The following RAB37 variants were observed in gnomAD, a reference collection of about 807,000 sequenced individuals.
RAB37 encodes RAB37, member RAS oncogene family, also known as ras-related protein Rab-37.
In RAB37, 29 loss-of-function variants were observed where a neutral mutation model predicts 33.1. That is an observed-to-expected ratio of 0.88 (90% confidence interval 0.65 to 1.20). The LOEUF (loss-of-function observed/expected upper bound fraction) is 1.20, where lower values mean the gene tolerates loss of function less well. Ranked by LOEUF, RAB37 falls within the 50% of genes most tolerant of loss-of-function variation. RAB37 has a pLI of 0.00. For synonymous variants in RAB37, 128 were observed against 119.5 expected (o/e 1.07, Z -0.47); for missense variants, 299 against 301.1 (o/e 0.99, Z 0.05).
chr17:74,695,035 C>T (rs763815936), intron 1 of RAB37: 13 of 1,541,272 alleles, frequency 8.4e-6, no homozygotes, highest in East Asian at 6.8e-5. Context: ...AGGGGGCAGA[C>T]GGTCGATGAG....
intron 1 of RAB37, among the ~76,000 whole-genome samples, chr17:74,680,955 T>C (rs1437203830): frequency 2.0e-5 from 3 of 152,212 alleles, no homozygotes; most frequent in South Asian, 2.1e-4. Context: ...ACCACCCCTG[T>C]TCACATGCTC....
At chr17:74,672,530 A>G (rs1452739845) in intron 1 of RAB37, among the ~76,000 whole-genome samples, 1 of 152,198 alleles carries the variant, frequency 6.6e-6, no homozygotes, top group Admixed American at 6.5e-5. Flanking sequence ...TATGAATGCA[A>G]GCTTTGAAAT....
At chr17:74,740,164 AAAAG>A (rs750804715) in intron 1 of RAB37, among the ~76,000 whole-genome samples, 22 of 152,080 alleles carry the variant, frequency 1.4e-4, no homozygotes, top group African/African-American at 2.9e-4. Context: ...CTCAAAAAAA[AAAAG>A]AAAGAAAGAA....
At position 74,744,845 on chromosome 17, in the gene RAB37, C is replaced by G. The variant is rs1199699188; in HGVS notation, c.433-28C>G. 2.5e-6 allele frequency: 4 copies of G among 1,614,026 alleles called. No individual in the cohort carries two copies. The highest frequency in any genetic ancestry group is 1.7e-5 in the Admixed American group (1 of 60,018). ...GCCCGCTGGGGCGGAGGCCTCCTTCCCCAGAGTGACCCATTTGGGCTTGAC... is the reference window on the plus strand; with the variant it reads ...GCCCGCTGGGGCGGAGGCCTCCTTCGCCAGAGTGACCCATTTGGGCTTGAC... On this transcript the variant is annotated intron_variant, in intron 6 of 8. Coordinates refer to ENST00000392613, the MANE Select transcript of RAB37 (RefSeq NM_001006638.3). This position sits in a 1 kb window ranked among gnomAD's most constrained non-coding sequence, Gnocchi z 4.2.
chr17:74,722,151 C>T (rs543385533), intron 1 of RAB37, among the ~76,000 whole-genome samples: 8 of 152,038 alleles, frequency 5.3e-5, no homozygotes, highest in East Asian at 3.9e-4. Flanking sequence ...GGCGTGGTGG[C>T]GGGCGCCTGT....
At chr17:74,695,102 C>A in intron 1 of RAB37, 1 of 1,613,394 alleles carries the variant, frequency 6.2e-7, no homozygotes, top group Non-Finnish European at 8.5e-7. Flanking sequence ...CAGGCTAAGG[C>A]CTGCTGATGG....
chr17:74,689,314 A>G (rs1480836402), intron 1 of RAB37, among the ~76,000 whole-genome samples: 1 of 152,012 alleles, frequency 6.6e-6, no homozygotes, highest in Non-Finnish European at 1.5e-5. Flanking sequence ...ATGGTGGCAC[A>G]TGCCTGTAAT....
At chr17:74,694,192 G>A (rs2032231387) in intron 1 of RAB37, 11 of 152,182 alleles carry the variant, frequency 7.2e-5, no homozygotes, top group Admixed American at 2.6e-4. Flanking sequence ...AGTAATAGAA[G>A]TGCCTCATGG....
intron 1 of RAB37, among the ~76,000 whole-genome samples, chr17:74,721,235 G>A (rs999044416): frequency 1.2e-4 from 19 of 152,166 alleles, no homozygotes; most frequent in African/African-American, 4.3e-4. Flanking sequence ...CCATCGCCAG[G>A]ACCTCGCCCT....
chr17:74,729,442 A>T lies in RAB37; in HGVS notation c.183+76A>T, dbSNP rs2034357416. 1.0e-6 allele frequency: 1 copy of T among 958,300 alleles called. No individual in the cohort carries two copies. Among genetic ancestry groups the T allele is most frequent in the Non-Finnish European group, 1.7e-6 (1 of 581,838 alleles). 59.4% of individuals were successfully genotyped at this position (958,300 alleles called of 1,614,324 possible). ...CGTGTTTCTGTTGAGTGCCAGCAGGAAACAGGTGGACACTCGCATTGGATC... is the reference window on the plus strand; with the variant it reads ...CGTGTTTCTGTTGAGTGCCAGCAGGTAACAGGTGGACACTCGCATTGGATC... On this transcript the variant is annotated intron_variant, in intron 2 of 7. Transcript: ENST00000340415. This position sits in a 1 kb window ranked among gnomAD's most constrained non-coding sequence, Gnocchi z 4.2.
chr17:74,712,992 G>A (rs774088437), intron 1 of RAB37: 18 of 965,458 alleles, frequency 1.9e-5, no homozygotes, highest in Non-Finnish European at 2.7e-5. Flanking sequence ...ACTTCCCATG[G>A]GTGAAAGAGA....
chr17:74,726,367 G>A (rs534616724), intron 1 of RAB37, among the ~76,000 whole-genome samples: 7 of 152,006 alleles, frequency 4.6e-5, no homozygotes, highest in African/African-American at 1.7e-4. Flanking sequence ...AAAATGTCCC[G>A]AGAAGACAGG....
intron 1 of RAB37, among the ~76,000 whole-genome samples, chr17:74,697,084 G>T (rs1274167529): frequency 6.6e-6 from 1 of 152,160 alleles, no homozygotes; most frequent in Non-Finnish European, 1.5e-5. Flanking sequence ...TGGAACTACA[G>T]ATGTGTGCCA....
At chr17:74,743,879 A>G (rs1201544058) in intron 5 of RAB37, among the ~76,000 whole-genome samples, 2 of 152,204 alleles carry the variant, frequency 1.3e-5, no homozygotes, top group Non-Finnish European at 2.9e-5. Context: ...TAAAACGTTT[A>G]TATAGAAAGA....
At chr17:74,719,894 A>G (rs1041803243) in intron 1 of RAB37, among the ~76,000 whole-genome samples, 5 of 152,112 alleles carry the variant, frequency 3.3e-5, no homozygotes, top group African/African-American at 1.2e-4. Flanking sequence ...TCCATTTCCC[A>G]CCTACCAGCC....
Position 74,742,159 on chromosome 17 carries a change from A to C in RAB37, c.205-95A>C. 6.7e-7 allele frequency: 1 copy of C among 1,483,920 alleles called. No individual in the cohort carries two copies. Among genetic ancestry groups the C allele is most frequent in the South Asian group, 1.2e-5 (1 of 82,016 alleles). 91.9% of individuals were successfully genotyped at this position (1,483,920 alleles called of 1,614,324 possible). ...GACGGTTCTGGGGCTCACTGCACCCACTCTAGGCCTGGAGAGGGAACAAGA... is the reference window on the plus strand; with the variant it reads ...GACGGTTCTGGGGCTCACTGCACCCCCTCTAGGCCTGGAGAGGGAACAAGA... On this transcript the variant is annotated intron_variant, in intron 2 of 8. Coordinates refer to ENST00000392613, the MANE Select transcript of RAB37 (RefSeq NM_001006638.3). The surrounding 1 kb of genome is among the most constrained non-coding windows in gnomAD (Gnocchi z 4.0).
intron 1 of RAB37, among the ~76,000 whole-genome samples, chr17:74,690,128 T>A (rs2032132709): frequency 6.6e-6 from 1 of 152,064 alleles, no homozygotes; most frequent in African/African-American, 2.4e-5. Flanking sequence ...ATTTTTTATT[T>A]TTGGTGGAGA....
intron 1 of RAB37, among the ~76,000 whole-genome samples, chr17:74,696,425 GAA>G (rs890274491): frequency 6.6e-6 from 1 of 152,120 alleles, no homozygotes; most frequent in Non-Finnish European, 1.5e-5. Context: ...TCTCCACCAG[GAA>G]AAGAGGGACA....
At chr17:74,705,645 ACAATCATGGCT>A (rs984717805) in intron 1 of RAB37, among the ~76,000 whole-genome samples, 81 of 152,084 alleles carry the variant, frequency 5.3e-4, no homozygotes, top group African/African-American at 1.8e-3. Context: ...ACACAGTGGC[ACAATCATGGCT>A]CAATCATGGC....
Sources: allele counts gnomAD v4.1 joint callset (sites outside exome capture counted in the v4.1 genomes callset), GRCh38; gene constraint gnomAD v4.1.1; non-coding constraint Gnocchi (gnomAD v3.1); transcripts MANE v1.5; gene names NCBI Gene and HGNC (gene_info 2026-07-23, HGNC 2026-07-21).